Variants in IPP observed in about 807,000 individuals in gnomAD.
IPP encodes intracisternal A particle-promoted polypeptide.
A neutral mutation model predicts 64.1 loss-of-function variants in IPP; 41 were observed. The observed-to-expected ratio is 0.64, with a 90% CI of 0.50 to 0.83. IPP has a LOEUF of 0.83. IPP is among the 40% of genes least tolerant of loss of function. The pLI, the probability that IPP is intolerant of heterozygous loss-of-function variation, is 0.00. For synonymous variants in IPP, 214 were observed against 235.2 expected (o/e 0.91, Z 0.83); for missense variants, 649 against 703.0 (o/e 0.92, Z 0.87).
intron 3 of IPP, among the ~76,000 whole-genome samples, chr1:45,738,851 A>AAACAAAAAAAAC (rs1646017502): frequency 7.0e-6 from 1 of 143,088 alleles, no homozygotes. Context: ...AAAAAAAAAA[A>AAACAAAAAAAAC]AAAAAAAAAA....
At chr1:45,737,937 A>G (rs967794607) in intron 3 of IPP, among the ~76,000 whole-genome samples, 1 of 152,180 alleles carries the variant, frequency 6.6e-6, no homozygotes, top group Non-Finnish European at 1.5e-5. Context: ...GTACATCCAC[A>G]TAACTTTTAT....
At chr1:45,705,902 C>T (rs527710259) in intron 8 of IPP, among the ~76,000 whole-genome samples, 1 of 152,136 alleles carries the variant, frequency 6.6e-6, no homozygotes. Flanking sequence ...AAAGTAAACA[C>T]AGCCACCTAG....
chr1:45,724,893 G>T (rs1362397934), intron 5 of IPP, among the ~76,000 whole-genome samples: 91 of 149,592 alleles, frequency 6.1e-4, no homozygotes, highest in African/African-American at 2.1e-3. Flanking sequence ...GAGGTGGGGG[G>T]GGTCAGCCCC....
rs1645734473 is a variant in IPP, at chr1:45,721,779, C to T, written c.1049-2439G>A. 3.9e-5 allele frequency among the ~76,000 whole-genome samples: 6 copies of T among 152,156 alleles called. No individual in the cohort carries two copies. The South Asian group carries it at 1.0e-3, about 26-fold the overall frequency. ...AAGTTACTTCTTGAAAGAAGAAATC[C>T]GGCTGGGCGTGGTGGCTAACGCCTG... On this transcript the variant is annotated intron_variant, in intron 5 of 8. Coordinates refer to ENST00000396478, the MANE Select transcript of IPP (RefSeq NM_005897.3).
intron 8 of IPP, among the ~76,000 whole-genome samples, chr1:45,704,192 T>C (rs1193860093): frequency 2.0e-5 from 3 of 152,010 alleles, no homozygotes; most frequent in African/African-American, 7.2e-5. Flanking sequence ...TGGCTTCATT[T>C]AGCAAATAAG....
chr1:45,695,673 AT>A (rs796457039), downstream of IPP, among the ~76,000 whole-genome samples: 3,300 of 144,080 alleles, frequency 0.023, 98 homozygotes, highest in African/African-American at 0.07. Flanking sequence ...ATAACCTGGA[AT>A]TTTTTTTTTT....
In IPP at chr1:45,699,821, G is replaced by A. The variant is rs987510108; in HGVS notation, c.*145C>T. ...GGGATTATAGGCATGAGGCCACTGC[G>A]CCCAGCCTCGTTAGTCATTTATCTA... is the stretch of plus-strand genomic sequence containing the variant. On this transcript the variant is annotated 3_prime_UTR_variant, in exon 9 of 9. Coordinates refer to ENST00000396478, the MANE Select transcript of IPP (RefSeq NM_005897.3). The A allele has an allele frequency of 4.1e-6, 6 of 1,448,908 alleles. No homozygotes were observed. The highest frequency in any genetic ancestry group is 5.0e-5 in the East Asian group (2 of 40,352). 89.8% of individuals were successfully genotyped at this position (1,448,908 alleles called of 1,614,324 possible).
intron 3 of IPP, among the ~76,000 whole-genome samples, chr1:45,730,333 C>G (rs1645890098): frequency 6.7e-6 from 1 of 149,822 alleles, no homozygotes; most frequent in Non-Finnish European, 1.5e-5. Flanking sequence ...GCCTGGATGA[C>G]AGGGTGAGAT....
intron 3 of IPP, among the ~76,000 whole-genome samples, chr1:45,736,891 A>T (rs942242681): frequency 2.2e-4 from 34 of 151,810 alleles, no homozygotes; most frequent in African/African-American, 7.0e-4. Context: ...TACAAAAAAA[A>T]AATTAGCCGG....
intron 8 of IPP, among the ~76,000 whole-genome samples, chr1:45,707,379 C>T (rs1466715430): frequency 2.1e-5 from 3 of 143,618 alleles, no homozygotes; most frequent in African/African-American, 5.2e-5. Flanking sequence ...GCCAAGATCG[C>T]GCCACTGCAC....
At chr1:45,706,573 C>T (rs193127923) in intron 8 of IPP, among the ~76,000 whole-genome samples, 2 of 152,138 alleles carry the variant, frequency 1.3e-5, no homozygotes, top group Non-Finnish European at 2.9e-5. Flanking sequence ...CCTCAGCCCC[C>T]CAAGTAGCTG....
chr1:45,737,772 GTTC>G (rs1371644793), intron 3 of IPP, among the ~76,000 whole-genome samples: 6 of 151,994 alleles, frequency 3.9e-5, no homozygotes, highest in Non-Finnish European at 8.8e-5. Context: ...GAAATACACA[GTTC>G]TTAAGTTTTA....
downstream of IPP, chr1:45,698,123 T>C (rs1006024559): frequency 6.6e-6 from 1 of 151,708 alleles, no homozygotes; most frequent in Non-Finnish European, 1.5e-5. Flanking sequence ...GCCAACATGG[T>C]GAAACCCCAT....
At chr1:45,706,682 C>G (rs1645517319) in intron 8 of IPP, among the ~76,000 whole-genome samples, 1 of 152,112 alleles carries the variant, frequency 6.6e-6, no homozygotes, top group African/African-American at 2.4e-5. Context: ...AACTCCTTAC[C>G]TCAGTGATCC....
chr1:45,717,226 A>G (rs1284627322), intron 6 of IPP, among the ~76,000 whole-genome samples: 2 of 101,914 alleles, frequency 2.0e-5, no homozygotes, highest in Non-Finnish European at 5.1e-5. Context: ...TTTGAGAAAA[A>G]AAAAAAAAAA....
In IPP at chr1:45,698,717, CT is replaced by C. The variant is rs78627575; in HGVS notation, c.*1248del. 3,949 of 740,986 alleles carry C rather than the reference CT, an allele frequency of 5.3e-3. 2 individuals are homozygous for C. The highest frequency in any genetic ancestry group is 6.2e-3 in the South Asian group (99 of 15,852). The allele number at this position is 740,986 out of a possible 1,614,324, so 45.9% of individuals were successfully genotyped here. On this transcript the variant is annotated 3_prime_UTR_variant, in exon 9 of 9. Coordinates refer to ENST00000396478, the MANE Select transcript of IPP (RefSeq NM_005897.3). Reference sequence around the variant, plus strand: ...AGCAAAAAAGGAAGAATTTTTTTTTCTTTTTTTTTTTTTTTTTTTGAGACAG... The same window carrying C: ...AGCAAAAAAGGAAGAATTTTTTTTTCTTTTTTTTTTTTTTTTTTGAGACAG...
chr1:45,718,419 G>C (rs1645688914), intron 6 of IPP, among the ~76,000 whole-genome samples: 1 of 152,190 alleles, frequency 6.6e-6, no homozygotes, highest in Non-Finnish European at 1.5e-5. Context: ...CTAGCAGCTT[G>C]GTCAGCCAGC....
In IPP at chr1:45,737,057, A is replaced by AG. The variant is rs753453007; in HGVS notation, c.724+3843_724+3844insC. Among the ~76,000 whole-genome samples, 1,378 of 151,246 alleles carry AG rather than the reference A, an allele frequency of 9.1e-3. 10 individuals are homozygous for AG. Among genetic ancestry groups the AG allele is most frequent in the Non-Finnish European group, 0.015 (993 of 67,728 alleles). On this transcript the variant is annotated intron_variant, in intron 3 of 8. Coordinates refer to ENST00000396478, the MANE Select transcript of IPP (RefSeq NM_005897.3). ...GACTCCATCTCAAAAAAAAAAAAAA[A>AG]AAAGAAAAAGCTGTAGGAAAACATG...
At chr1:45,703,205 C>T (rs1226140706) in intron 8 of IPP, among the ~76,000 whole-genome samples, 1 of 151,092 alleles carries the variant, frequency 6.6e-6, no homozygotes, top group African/African-American at 2.4e-5. Context: ...CCTCCCACCT[C>T]AGCCTCCTGA....
Sources: allele counts gnomAD v4.1 joint callset (sites outside exome capture counted in the v4.1 genomes callset), GRCh38; gene constraint gnomAD v4.1.1; transcripts MANE v1.5; gene names NCBI Gene and HGNC (gene_info 2026-07-23, HGNC 2026-07-21).